BAZ2B: variants seen among roughly 807,000 people sequenced by gnomAD.
BAZ2B encodes the protein bromodomain adjacent to zinc finger domain protein 2B.
BAZ2B carries 91 observed loss-of-function variants against 246.0 expected under a neutral mutation model. The observed-to-expected ratio is 0.37, with a 90% CI of 0.31 to 0.44. The LOEUF is 0.44. BAZ2B is among the 20% of genes least tolerant of loss of function. The probability of loss-of-function intolerance (pLI) is 1.00; values close to 1 mark genes in which losing one functional copy is unlikely to be tolerated. For synonymous variants in BAZ2B, 855 were observed against 860.0 expected (o/e 0.99, Z 0.10); for missense variants, 2,332 against 2,533.7 (o/e 0.92, Z 1.71).
chr2:159,601,927 C>G lies in BAZ2B; in HGVS notation c.-46+14315G>C, dbSNP rs1017500088. On this transcript the variant is annotated intron_variant, in intron 1 of 36. Coordinates refer to ENST00000392783, the MANE Select transcript of BAZ2B (RefSeq NM_013450.4). The stretch of plus-strand genomic sequence containing the variant: ...TCTTTATACAATAAAGTTACAAATA[C>G]TAAAGGTGGCAAAATTATCTTTGTT... Among the ~76,000 whole-genome samples, 5 of 152,006 alleles carry G rather than the reference C, an allele frequency of 3.3e-5. No individual in the cohort carries two copies. The East Asian group carries it at 9.6e-4, about 29-fold the overall frequency.
the BAZ2B span, chr2:159,670,772 A>T: frequency 6.6e-6 from 1 of 152,156 alleles, no homozygotes. Flanking sequence ...TTTCTTGCTC[A>T]GTTGAAGAAC....
rs2064504111 is a variant in BAZ2B, at chr2:159,398,947, C to T, written c.2899-53G>A. The T allele has an allele frequency of 2.0e-6, 3 of 1,513,724 alleles. No individual in the cohort carries two copies. The Admixed American group carries it at 5.2e-5, about 26-fold the overall frequency. 93.8% of individuals were successfully genotyped at this position (1,513,724 alleles called of 1,614,324 possible). On this transcript the variant is annotated intron_variant, in intron 17 of 36. Coordinates refer to ENST00000392783, the MANE Select transcript of BAZ2B (RefSeq NM_013450.4). ...CATGCAACAGCACCACTACAACTTG[C>T]AAATAATGTCAGACTTGAAATGAAG...
chr2:159,383,810 A>C, intron 23 of BAZ2B, 130 bp from the exon 24 acceptor site: 24 of 704,454 alleles, frequency 3.4e-5, no homozygotes, highest in East Asian at 1.7e-4. Flanking sequence ...AACTGACCTC[A>C]TGCATATACA....
At chr2:159,410,228 G>A (rs572330593) in intron 14 of BAZ2B, among the ~76,000 whole-genome samples, 1 of 152,174 alleles carries the variant, frequency 6.6e-6, no homozygotes, top group South Asian at 2.1e-4. Context: ...TTAATTTATT[G>A]ACTTTTTAAC....
chr2:159,595,507 G>A (rs1243218674), intron 1 of BAZ2B, among the ~76,000 whole-genome samples: 1 of 152,164 alleles, frequency 6.6e-6, no homozygotes, highest in East Asian at 1.9e-4. Context: ...GTAAAAAGTG[G>A]TGTTGTGTGT....
At chr2:159,351,970 T>C (rs1295877692) in intron 27 of BAZ2B, among the ~76,000 whole-genome samples, 2 of 152,186 alleles carry the variant, frequency 1.3e-5, no homozygotes, top group African/African-American at 4.8e-5. Context: ...CCAGAAATAG[T>C]ATATACGTTA....
intron 34 of BAZ2B, among the ~76,000 whole-genome samples, chr2:159,328,055 A>G: frequency 1.6e-5 from 2 of 123,782 alleles, no homozygotes; most frequent in African/African-American, 3.0e-5. Context: ...ATGGAATGAG[A>G]CTCAGCCTCA....
chr2:159,362,542 C>T (rs2059824063), intron 27 of BAZ2B, among the ~76,000 whole-genome samples: 1 of 152,154 alleles, frequency 6.6e-6, no homozygotes, highest in Non-Finnish European at 1.5e-5. Flanking sequence ...AGGTTACTCT[C>T]ACTAACAAAC....
chr2:159,423,932 T>C (rs1411877050), intron 13 of BAZ2B, among the ~76,000 whole-genome samples: 1 of 152,116 alleles, frequency 6.6e-6, no homozygotes, highest in Admixed American at 6.5e-5. Context: ...TGCTCCAGGA[T>C]CATTTGCACA....
chr2:159,624,282 G>A, the BAZ2B span, among the ~76,000 whole-genome samples: 2 of 152,186 alleles, frequency 1.3e-5, no homozygotes, highest in African/African-American at 4.8e-5. Flanking sequence ...AGAAGTAAAC[G>A]TCCCTGCCTG....
At chr2:159,598,510 G>T (rs574324289) in intron 1 of BAZ2B, among the ~76,000 whole-genome samples, 1 of 152,280 alleles carries the variant, frequency 6.6e-6, no homozygotes, top group African/African-American at 2.4e-5. Context: ...TGTCTTTACT[G>T]TCCATTATAA....
chr2:159,589,489 T>C (rs1164699883), intron 1 of BAZ2B, among the ~76,000 whole-genome samples: 1 of 152,058 alleles, frequency 6.6e-6, no homozygotes, highest in African/African-American at 2.4e-5. Context: ...AAAATGATGA[T>C]CTCAGCCAAA....
At chr2:159,598,924 A>C (rs899320662) in intron 1 of BAZ2B, among the ~76,000 whole-genome samples, 4 of 151,870 alleles carry the variant, frequency 2.6e-5, no homozygotes, top group African/African-American at 4.8e-5. Context: ...CTGTCTCATA[A>C]ATACATACAT....
At chr2:159,536,497 C>G (rs2086007744) in intron 2 of BAZ2B, among the ~76,000 whole-genome samples, 2 of 152,064 alleles carry the variant, frequency 1.3e-5, no homozygotes, top group African/African-American at 4.8e-5. Flanking sequence ...AAATGCATAC[C>G]ATGTGTGTTA....
chr2:159,675,012 C>T, the BAZ2B span, among the ~76,000 whole-genome samples: 61,022 of 151,850 alleles, frequency 0.4, 12,771 homozygotes, highest in African/African-American at 0.5. Flanking sequence ...ATATAAAACG[C>T]TCTTGGGGAG....
At chr2:159,502,871 T>G (rs775195973) in intron 2 of BAZ2B, among the ~76,000 whole-genome samples, 1 of 152,222 alleles carries the variant, frequency 6.6e-6, no homozygotes, top group Non-Finnish European at 1.5e-5. Flanking sequence ...CATTTAGTAA[T>G]CTTGCACCTC....
At chr2:159,511,923 TAAAAGG>T (rs1235771187) in intron 2 of BAZ2B, among the ~76,000 whole-genome samples, 1 of 152,102 alleles carries the variant, frequency 6.6e-6, no homozygotes, top group African/African-American at 2.4e-5. Context: ...GATAATAAAA[TAAAAGG>T]AAAACTTCAG....
At chr2:159,696,014 C>A in the BAZ2B span, among the ~76,000 whole-genome samples, 1 of 152,128 alleles carries the variant, frequency 6.6e-6, no homozygotes, top group African/African-American at 2.4e-5. Flanking sequence ...CCAACCTTAG[C>A]CTCCCAAAGT....
intron 1 of BAZ2B, among the ~76,000 whole-genome samples, chr2:159,598,802 T>C (rs1691394936): frequency 6.6e-6 from 1 of 152,086 alleles, no homozygotes; most frequent in South Asian, 2.1e-4. Context: ...TGTGCCAAGA[T>C]TGAGCCACTG....
Sources: allele counts gnomAD v4.1 joint callset (sites outside exome capture counted in the v4.1 genomes callset), GRCh38; gene constraint gnomAD v4.1.1; transcripts MANE v1.5; gene names NCBI Gene and HGNC (gene_info 2026-07-23, HGNC 2026-07-21).